Variants in CNKSR3 observed in about 807,000 individuals in gnomAD.
The protein encoded by CNKSR3 is connector enhancer of kinase suppressor of ras 3.
Under a neutral mutation model 67.7 loss-of-function variants are expected in CNKSR3, and 36 were observed. The observed-to-expected ratio is 0.53, with a 90% confidence interval of 0.41 to 0.70. The LOEUF is 0.70. Ranked by LOEUF, CNKSR3 falls within the 30% of genes least tolerant of loss-of-function variation. The pLI is 0.00. For synonymous variants in CNKSR3, 281 were observed against 271.4 expected, an observed-to-expected ratio of 1.04 and a Z score of -0.35; for missense variants, 630 against 695.2, an observed-to-expected ratio of 0.91 and a Z score of 1.05.
At chr6:154,409,676 G>C (rs1784867949) in intron 12 of CNKSR3, among the ~76,000 whole-genome samples, 1 of 152,022 alleles carries the variant, frequency 6.6e-6, no homozygotes, top group African/African-American at 2.4e-5. Flanking sequence ...AACATAGTAA[G>C]ACCCCATCTC....
rs573607767 is a variant in CNKSR3, at chr6:154,428,334, C to T, written c.670-147G>A. 4.3e-5 allele frequency: 27 copies of T among 635,230 alleles called. No individual in the cohort carries two copies. In the Admixed American group the frequency reaches 6.4e-4, roughly 15 times the overall value. The allele number at this position is 635,230 out of a possible 1,614,324, so 39.3% of individuals were successfully genotyped here. A position where few individuals can be genotyped will look rare whatever the true frequency, so the allele number is the denominator to read the frequency against. On this transcript the variant is annotated intron_variant, in intron 6 of 12. Coordinates refer to ENST00000607772, the MANE Select transcript of CNKSR3 (RefSeq NM_173515.4). ...CTCCTGAAACATCGAGAAACAAGAT[C>T]CAAAGGGTGGTGAAGGGGAGCTAAG...
At chr6:154,451,542 CAG>C (rs1318856674) in intron 1 of CNKSR3, among the ~76,000 whole-genome samples, 4 of 14,438 alleles carry the variant, frequency 2.8e-4, no homozygotes, top group African/African-American at 8.2e-4. Context: ...CGCACACGCA[CAG>C]ATGCACACAC....
Position 154,441,310 on chromosome 6 carries a change from C to A in CNKSR3, c.489G>T (p.Leu163=). 1.9e-6 allele frequency: 3 copies of A among 1,603,032 alleles called. No individual in the cohort carries two copies. The highest frequency in any genetic ancestry group is 2.6e-6 in the Non-Finnish European group (3 of 1,172,850). The change falls in exon 4 of 13, where the codon CTG becomes CTT. Residue 163 remains leucine (L), a synonymous_variant. Transcript: ENST00000607772. The stretch of plus-strand genomic sequence containing the variant: ...TACTGACCTTCTGGACTGTAGTGGT[C>A]AGGTCCAAGCAAAGCTGGATAATTT... ...KNKIIQLCLD[L]TTTVQKDCFV... is the part of the protein sequence containing the mutation.
At chr6:154,466,347 C>T (rs995424674) in intron 1 of CNKSR3, among the ~76,000 whole-genome samples, 7 of 152,228 alleles carry the variant, frequency 4.6e-5, no homozygotes, top group Admixed American at 3.3e-4. Context: ...GGCTCATGTA[C>T]GGACTTGTGT....
chr6:154,426,545 C>T (rs972531074), intron 7 of CNKSR3, among the ~76,000 whole-genome samples: 9 of 151,900 alleles, frequency 5.9e-5, no homozygotes, highest in South Asian at 2.1e-4. Context: ...TTAGTAGAGA[C>T]GGGGTTTCAC....
intron 1 of CNKSR3, among the ~76,000 whole-genome samples, chr6:154,505,274 C>T (rs1787074635): frequency 9.3e-6 from 1 of 108,098 alleles, no homozygotes; most frequent in Non-Finnish European, 2.1e-5. Flanking sequence ...AGTCAAGCAC[C>T]TTAAGACTGC....
chr6:154,414,253 A>C (rs760771592), intron 10 of CNKSR3, 46 bp downstream of exon 10: 5 of 1,526,038 alleles, frequency 3.3e-6, no homozygotes, highest in Non-Finnish European at 3.5e-6. Flanking sequence ...TTTACAAATG[A>C]CACCAACAGG....
At chr6:154,503,866 T>C (rs1277589467) in intron 1 of CNKSR3, among the ~76,000 whole-genome samples, 2 of 152,038 alleles carry the variant, frequency 1.3e-5, no homozygotes, top group Admixed American at 6.6e-5. Context: ...ACAGCTGGAG[T>C]ACATACCAGA....
At chr6:154,429,723 C>T (rs1483013149) in intron 6 of CNKSR3, among the ~76,000 whole-genome samples, 2 of 152,012 alleles carry the variant, frequency 1.3e-5, no homozygotes, top group Non-Finnish European at 2.9e-5. Flanking sequence ...CCCGTCTCCT[C>T]CTCCTCCTTC....
At chr6:154,426,672 G>C (rs1025534734) in intron 7 of CNKSR3, among the ~76,000 whole-genome samples, 1 of 152,200 alleles carries the variant, frequency 6.6e-6, no homozygotes, top group South Asian at 2.1e-4. Context: ...TCTTTAAAAC[G>C]GGGGGTGGTG....
Position 154,422,544 on chromosome 6 carries a change from G to C in CNKSR3, c.907C>G (p.Pro303Ala). Residue 303 changes from proline (P) to alanine (A), a missense_variant, in exon 9 of 13, where the codon CCC becomes GCC. Coordinates refer to ENST00000607772, the MANE Select transcript of CNKSR3 (RefSeq NM_173515.4). Reference sequence around the variant, plus strand: ...GGCTTCCACCGTAGGTTTTTCAGGGGAGCAGGAGTAAAGTTGAAAGACCCG... The same window carrying C: ...GGCTTCCACCGTAGGTTTTTCAGGGCAGCAGGAGTAAAGTTGAAAGACCCG... ...PTGSFNFTPA[P>A]LKNLRWKPPL... The C allele has an allele frequency of 6.2e-7, 1 of 1,614,098 alleles. No individual in the cohort carries two copies. The highest frequency in any genetic ancestry group is 8.5e-7 in the Non-Finnish European group (1 of 1,180,004).
Position 154,410,426 on chromosome 6 carries a change from G to A in CNKSR3, c.1286C>T (p.Pro429Leu). Residue 429 changes from proline to leucine, a missense_variant, in exon 12 of 13, where the codon CCA becomes CTA. Physicochemically the swap from Pro to Leu is moderately conservative, Grantham distance 98. Coordinates refer to ENST00000607772, the MANE Select transcript of CNKSR3 (RefSeq NM_173515.4). ...MREKTPSYGKPRPLSMPADGN... is the reference protein window; with the variant it reads ...MREKTPSYGKLRPLSMPADGN... ...ATCAGCAGGCATGGACAAAGGCCGT[G>A]GCTTGCCTTCAGAGGGACGAGAAAG... 6.2e-7 allele frequency: 1 copy of A among 1,613,460 alleles called. No individual in the cohort carries two copies. The highest frequency in any genetic ancestry group is 1.7e-5 in the Admixed American group (1 of 60,008).
intron 1 of CNKSR3, among the ~76,000 whole-genome samples, chr6:154,486,382 G>A (rs1272967203): frequency 6.7e-6 from 1 of 150,050 alleles, no homozygotes; most frequent in South Asian, 2.1e-4. Context: ...GGCAGCCTCC[G>A]CCTCCTGGCT....
rs551391253 is a variant in CNKSR3 at position 154,400,934 on chromosome 6, A to C, written c.*5420T>G. ...TAATTCCATATGCTATAGGCTACAAAATATATATTTAAATTCCCTTAGGTA... is the reference window on the plus strand; with the variant it reads ...TAATTCCATATGCTATAGGCTACAACATATATATTTAAATTCCCTTAGGTA... On this transcript the variant is annotated 3_prime_UTR_variant, in exon 13 of 13. Coordinates refer to ENST00000607772, the MANE Select transcript of CNKSR3 (RefSeq NM_173515.4). 1.3e-5 allele frequency: 2 copies of C among 152,246 alleles called. No homozygotes were observed. The highest frequency in any genetic ancestry group is 2.1e-4 in the South Asian group (1 of 4,824). The allele number at this position is 152,246 out of a possible 1,614,324, so 9.4% of individuals were successfully genotyped here.
In CNKSR3 at chr6:154,474,041, C is replaced by G. The variant is rs1786389031; in HGVS notation, c.53-23783G>C. 2.0e-5 allele frequency among the ~76,000 whole-genome samples: 3 copies of G among 151,410 alleles called. No homozygotes were observed. The South Asian group carries it at 6.3e-4, about 32-fold the overall frequency. The stretch of plus-strand genomic sequence containing the variant: ...CTTGTGATCCGTCCACCTCGGCCTC[C>G]CAAAGTGCTGGGATTACAGGCGTGA... On this transcript the variant is annotated intron_variant, in intron 1 of 12. Transcript: ENST00000607772.
intron 1 of CNKSR3, among the ~76,000 whole-genome samples, chr6:154,458,626 C>T (rs1280813242): frequency 6.6e-6 from 1 of 152,080 alleles, no homozygotes; most frequent in Non-Finnish European, 1.5e-5. Context: ...AGCCCCGTCC[C>T]CAGCTGCCAC....
At chr6:154,443,957 C>G (rs1215871044) in intron 2 of CNKSR3, among the ~76,000 whole-genome samples, 3 of 152,194 alleles carry the variant, frequency 2.0e-5, no homozygotes, top group African/African-American at 7.2e-5. Context: ...AAATCAATTT[C>G]ATGAGATAAT....
intron 1 of CNKSR3, among the ~76,000 whole-genome samples, chr6:154,469,560 G>C (rs567802317): frequency 1.3e-5 from 2 of 152,206 alleles, no homozygotes; most frequent in South Asian, 4.1e-4. Context: ...CCATTCCATT[G>C]GCAACGCTAG....
At chr6:154,411,478 C>G (rs986845117) in intron 10 of CNKSR3, among the ~76,000 whole-genome samples, 5 of 152,072 alleles carry the variant, frequency 3.3e-5, no homozygotes, top group African/African-American at 1.2e-4. Context: ...GAAACCCCAT[C>G]TCTACTAAAA....
Sources: allele counts gnomAD v4.1 joint callset (sites outside exome capture counted in the v4.1 genomes callset), GRCh38; gene constraint gnomAD v4.1.1; transcripts MANE v1.5; gene names NCBI Gene and HGNC (gene_info 2026-07-23, HGNC 2026-07-21).